Variants in FOCAD observed in about 807,000 individuals in gnomAD.
FOCAD encodes focadhesin.
In FOCAD, 198 loss-of-function variants were observed where a neutral mutation model predicts 225.6. The ratio of observed to expected loss-of-function variants is 0.88; its 90% CI spans 0.78 to 0.99. FOCAD has a LOEUF of 0.99. FOCAD is among the 50% of genes least tolerant of loss of function. The probability of loss-of-function intolerance (pLI) is 0.00; values close to 1 mark genes in which losing one functional copy is unlikely to be tolerated. For missense variants in FOCAD, 2,713 were observed against 2,123.6 expected, an observed-to-expected ratio of 1.28 and a Z score of -5.46; for synonymous variants, 897 against 755.0, an observed-to-expected ratio of 1.19 and a Z score of -3.08.
chr9:20,731,225 G>T (rs563710282), intron 4 of FOCAD, among the ~76,000 whole-genome samples: 21 of 149,830 alleles, frequency 1.4e-4, no homozygotes, highest in African/African-American at 5.2e-4. Context: ...GTGACACAGC[G>T]AGACTTTGTC....
intron 7 of FOCAD, among the ~76,000 whole-genome samples, chr9:20,768,039 C>T (rs1830208904): frequency 1.3e-5 from 2 of 150,920 alleles, no homozygotes; most frequent in African/African-American, 2.4e-5. Context: ...CAGCTTTCTC[C>T]ATATGGCTAG....
rs35908843 is a variant in FOCAD, at chr9:20,789,569, C to T, written c.1416C>T (p.Leu472=). The T allele has an allele frequency of 1.5e-3, 2,445 of 1,613,936 alleles. 35 individuals are homozygous for T. In the African/African-American group the frequency reaches 0.03, roughly 20 times the overall value. The change falls in exon 11 of 44, where the codon CTC becomes CTT. Residue 472 remains leucine (L), a synonymous_variant. Coordinates refer to ENST00000338382, the MANE Select transcript of FOCAD (RefSeq NM_001375567.1). The part of the protein sequence containing the change: ...EDKGQNLHQI[L]KVTTELAQAD... The stretch of plus-strand genomic sequence containing the variant: ...AAGGACAAAATCTTCACCAAATACT[C>T]AAGGTCACTACAGAATTAGCCCAAG...
chr9:20,915,472 G>A (rs975060885), intron 23 of FOCAD, among the ~76,000 whole-genome samples: 1 of 152,162 alleles, frequency 6.6e-6, no homozygotes, highest in Non-Finnish European at 1.5e-5. Context: ...CTGTTGTTAG[G>A]CTGCAGAAGA....
chr9:20,685,746 G>A (rs1822626544), intron 1 of FOCAD, among the ~76,000 whole-genome samples: 2 of 152,100 alleles, frequency 1.3e-5, no homozygotes, highest in Non-Finnish European at 2.9e-5. Flanking sequence ...CTTGGCTAAT[G>A]TTTATCAATA....
chr9:20,939,426 T>C (rs1019488760), intron 28 of FOCAD, among the ~76,000 whole-genome samples: 1 of 152,038 alleles, frequency 6.6e-6, no homozygotes, highest in Non-Finnish European at 1.5e-5. Context: ...CAAGATGTTA[T>C]AAAGTTGGGA....
At chr9:20,710,893 T>C (rs951148066) in intron 1 of FOCAD, among the ~76,000 whole-genome samples, 2 of 152,220 alleles carry the variant, frequency 1.3e-5, no homozygotes, top group African/African-American at 4.8e-5. Flanking sequence ...AAAAATAGTT[T>C]TATGTACTGG....
intron 21 of FOCAD, among the ~76,000 whole-genome samples, chr9:20,903,371 T>G (rs1462299526): frequency 6.6e-6 from 1 of 152,020 alleles, no homozygotes; most frequent in East Asian, 1.9e-4. Flanking sequence ...GAGCTGCCTT[T>G]ATCTCTTTCC....
intron 21 of FOCAD, 151 bp downstream of exon 21, chr9:20,885,381 C>G (rs1354106860): frequency 9.7e-6 from 6 of 617,428 alleles, no homozygotes; most frequent in African/African-American, 1.9e-5. Context: ...ACTGAATACT[C>G]AAATATTTCA....
At chr9:20,964,592 G>T (rs576070812) in intron 35 of FOCAD, among the ~76,000 whole-genome samples, 1 of 152,058 alleles carries the variant, frequency 6.6e-6, no homozygotes, top group East Asian at 1.9e-4. Flanking sequence ...CTGGAGGGCA[G>T]TGGCGTGATC....
intron 2 of FOCAD, among the ~76,000 whole-genome samples, chr9:20,662,179 AATATATGTGTGTGTGTGTGC>A (rs941626674): frequency 5.3e-5 from 8 of 151,052 alleles, no homozygotes; most frequent in South Asian, 2.1e-4. Flanking sequence ...ATAAAGTGGA[AATATATGTGTGTGTGTGTGC>A]ATATATGTGT....
chr9:20,787,262 T>G (rs942418389), intron 10 of FOCAD, among the ~76,000 whole-genome samples: 5 of 152,230 alleles, frequency 3.3e-5, no homozygotes, highest in Admixed American at 3.3e-4. Flanking sequence ...TACATAAGTT[T>G]TATTTTTCTC....
At chr9:20,916,662 T>A (rs1416517524) in intron 23 of FOCAD, among the ~76,000 whole-genome samples, 1 of 152,174 alleles carries the variant, frequency 6.6e-6, no homozygotes, top group Non-Finnish European at 1.5e-5. Flanking sequence ...CCCCCTCAGT[T>A]ACATATTCAC....
chr9:20,731,561 C>A (rs569622690), intron 4 of FOCAD, among the ~76,000 whole-genome samples: 1 of 152,086 alleles, frequency 6.6e-6, no homozygotes, highest in Non-Finnish European at 1.5e-5. Context: ...ACCTTGGGAG[C>A]CAAGCAAGAT....
intron 5 of FOCAD, among the ~76,000 whole-genome samples, chr9:20,741,553 A>T (rs1827613790): frequency 6.6e-6 from 1 of 152,134 alleles, no homozygotes; most frequent in Non-Finnish European, 1.5e-5. Context: ...TACAAGTTGG[A>T]AGAATGTGGT....
intron 5 of FOCAD, among the ~76,000 whole-genome samples, chr9:20,742,140 A>G (rs1827676447): frequency 6.6e-6 from 1 of 152,140 alleles, no homozygotes; most frequent in Non-Finnish European, 1.5e-5. Flanking sequence ...TCAGGGAAGT[A>G]TTTTTAGTTC....
At chr9:20,965,092 C>A (rs192370879) in intron 35 of FOCAD, among the ~76,000 whole-genome samples, 1 of 152,178 alleles carries the variant, frequency 6.6e-6, no homozygotes, top group Admixed American at 6.5e-5. Context: ...AGGAAGAACA[C>A]CGAAGCTTAA....
upstream of FOCAD, among the ~76,000 whole-genome samples, chr9:20,682,402 C>G (rs1299186741): frequency 6.6e-6 from 1 of 152,184 alleles, no homozygotes; most frequent in Non-Finnish European, 1.5e-5. Context: ...AAGTTTTGGC[C>G]TGGCCATTAG....
intron 11 of FOCAD, among the ~76,000 whole-genome samples, chr9:20,797,316 G>A (rs181313597): frequency 2.6e-3 from 394 of 152,118 alleles, no homozygotes; most frequent in African/African-American, 8.9e-3. Context: ...TTTTGGTTCC[G>A]TATGAACTTT....
intron 43 of FOCAD, among the ~76,000 whole-genome samples, chr9:20,994,904 G>C (rs903371017): frequency 1.3e-5 from 2 of 151,810 alleles, no homozygotes; most frequent in Non-Finnish European, 2.9e-5. Flanking sequence ...GTGTAACTCT[G>C]GCTTACCTAC....
Sources: gnomAD v4.1 joint callset for allele counts (sites outside exome capture counted in the v4.1 genomes callset) on GRCh38, gnomAD v4.1.1 for gene constraint, MANE v1.5 for transcripts, NCBI Gene and HGNC (gene_info 2026-07-23, HGNC 2026-07-21) for gene names.